AGBL4: variants seen among roughly 807,000 people sequenced by gnomAD.
The protein encoded by AGBL4 is AGBL carboxypeptidase 4.
In AGBL4, 58 loss-of-function variants were observed where a neutral mutation model predicts 66.4. That is an observed-to-expected ratio of 0.87 (90% CI 0.71 to 1.09). The LOEUF is 1.09. Among genes scored for constraint, AGBL4 ranks in the 50% least tolerant of loss-of-function variants. The pLI is 0.00. For synonymous variants in AGBL4, 234 were observed against 222.9 expected, an observed-to-expected ratio of 1.05 and a Z score of -0.44; for missense variants, 579 against 631.0, an observed-to-expected ratio of 0.92 and a Z score of 0.88.
At chr1:49,550,019 T>G (rs1652827601) in intron 3 of AGBL4, among the ~76,000 whole-genome samples, 1 of 152,194 alleles carries the variant, frequency 6.6e-6, no homozygotes. Context: ...GACAAGGCAT[T>G]TTACCATTAC....
intron 6 of AGBL4, among the ~76,000 whole-genome samples, chr1:48,808,959 C>T (rs1645991272): frequency 6.6e-6 from 1 of 152,128 alleles, no homozygotes; most frequent in South Asian, 2.1e-4. Flanking sequence ...TATAAGATTC[C>T]AGAATGAGAA....
At chr1:49,379,556 A>G (rs982728883) in intron 3 of AGBL4, among the ~76,000 whole-genome samples, 5 of 152,138 alleles carry the variant, frequency 3.3e-5, no homozygotes, top group African/African-American at 1.2e-4. Flanking sequence ...ATGTCCCATC[A>G]ATACCTAATT....
intron 1 of AGBL4, among the ~76,000 whole-genome samples, chr1:49,853,572 A>G (rs1166797544): frequency 6.6e-6 from 1 of 152,126 alleles, no homozygotes; most frequent in Non-Finnish European, 1.5e-5. Flanking sequence ...ATGAAGCAGA[A>G]AGATACCTGA....
chr1:48,961,058 C>A (rs1657926286), intron 5 of AGBL4, among the ~76,000 whole-genome samples: 1 of 151,386 alleles, frequency 6.6e-6, no homozygotes, highest in Admixed American at 6.6e-5. Flanking sequence ...TGTTCTCTGC[C>A]CTTGGGCAGA....
At chr1:49,418,592 G>T (rs994953585) in intron 3 of AGBL4, among the ~76,000 whole-genome samples, 1 of 152,148 alleles carries the variant, frequency 6.6e-6, no homozygotes, top group Non-Finnish European at 1.5e-5. Flanking sequence ...GTAGGCAATT[G>T]AACTAAAATA....
At chr1:48,550,479 T>C (rs1390428203) in intron 11 of AGBL4, among the ~76,000 whole-genome samples, 1 of 152,176 alleles carries the variant, frequency 6.6e-6, no homozygotes, top group Non-Finnish European at 1.5e-5. Flanking sequence ...TAGGGATACA[T>C]GTGATTGTAT....
intron 3 of AGBL4, among the ~76,000 whole-genome samples, chr1:49,500,253 T>C (rs1398499322): frequency 6.6e-6 from 1 of 152,062 alleles, no homozygotes; most frequent in Admixed American, 6.6e-5. Flanking sequence ...TTTGTTTGAG[T>C]TCCTTGTAGA....
intron 5 of AGBL4, among the ~76,000 whole-genome samples, chr1:48,987,324 G>T (rs1469359103): frequency 6.6e-6 from 1 of 151,744 alleles, no homozygotes; most frequent in Non-Finnish European, 1.5e-5. Context: ...TAAAAGAATG[G>T]AAAAGGTATA....
intron 3 of AGBL4, among the ~76,000 whole-genome samples, chr1:49,375,787 T>C (rs760608740): frequency 2.6e-5 from 4 of 152,080 alleles, no homozygotes; most frequent in African/African-American, 4.8e-5. Context: ...AGATTCCATA[T>C]ACAGTTCAAG....
chr1:49,686,254 CG>C (rs1227794621), intron 3 of AGBL4, among the ~76,000 whole-genome samples: 1 of 152,074 alleles, frequency 6.6e-6, no homozygotes, highest in Non-Finnish European at 1.5e-5. Context: ...ACCCCCGCCA[CG>C]GCCCCACTGA....
At chr1:49,185,450 C>T (rs1646999779) in intron 4 of AGBL4, among the ~76,000 whole-genome samples, 1 of 152,172 alleles carries the variant, frequency 6.6e-6, no homozygotes, top group Admixed American at 6.6e-5. Flanking sequence ...TTAGATGTCA[C>T]CACAAGAATA....
chr1:49,137,729 G>T (rs1252794489), intron 4 of AGBL4, among the ~76,000 whole-genome samples: 3 of 152,002 alleles, frequency 2.0e-5, no homozygotes, highest in Non-Finnish European at 2.9e-5. Context: ...GCTAATAAGA[G>T]AATAACACAG....
At chr1:50,018,213 T>C (rs1288874346) in intron 1 of AGBL4, among the ~76,000 whole-genome samples, 2 of 152,166 alleles carry the variant, frequency 1.3e-5, no homozygotes, top group Non-Finnish European at 2.9e-5. Context: ...GTACACTTTT[T>C]TCCAAGTCTG....
chr1:48,600,667 G>A (rs1645062022), intron 9 of AGBL4, among the ~76,000 whole-genome samples: 2 of 152,144 alleles, frequency 1.3e-5, no homozygotes, highest in Admixed American at 6.5e-5. Context: ...TCAAAACCAA[G>A]TGTTTCTGAC....
At chr1:49,849,411 AT>A (rs1646246072) in intron 2 of AGBL4, among the ~76,000 whole-genome samples, 8 of 123,178 alleles carry the variant, frequency 6.5e-5, no homozygotes, top group Admixed American at 4.9e-4. Context: ...TATTATTATT[AT>A]TATTATTATT....
chr1:49,406,937 C>T (rs1200744151), intron 3 of AGBL4, among the ~76,000 whole-genome samples: 2 of 151,364 alleles, frequency 1.3e-5, no homozygotes, highest in Non-Finnish European at 2.9e-5. Context: ...TGGTGGCGGG[C>T]GCCTGTAGTC....
intron 6 of AGBL4, among the ~76,000 whole-genome samples, chr1:48,694,843 AG>A (rs139377811): frequency 0.04 from 6,062 of 152,164 alleles, 427 homozygotes; most frequent in African/African-American, 0.14. Context: ...AGCAAATGAA[AG>A]TCATTTTTTG....
At chr1:49,471,204 A>T (rs1248525517) in intron 3 of AGBL4, among the ~76,000 whole-genome samples, 1 of 152,042 alleles carries the variant, frequency 6.6e-6, no homozygotes, top group Admixed American at 6.6e-5. Context: ...TTTATGAAAC[A>T]AAAGCAATAA....
chr1:49,102,167 C>T (rs1259494076), intron 4 of AGBL4, among the ~76,000 whole-genome samples: 1 of 152,086 alleles, frequency 6.6e-6, no homozygotes, highest in Non-Finnish European at 1.5e-5. Context: ...CCAGATCAGC[C>T]ATTCCATAGC....
Sources: gnomAD v4.1 joint callset for allele counts (sites outside exome capture counted in the v4.1 genomes callset) on GRCh38, gnomAD v4.1.1 for gene constraint, MANE v1.5 for transcripts, NCBI Gene and HGNC (gene_info 2026-07-23, HGNC 2026-07-21) for gene names.